Variants in ZNF365 observed in about 807,000 individuals in gnomAD.
The protein encoded by ZNF365 is zinc finger protein 365, also known as protein ZNF365.
In ZNF365, 22 loss-of-function variants were observed where a neutral mutation model predicts 35.0. The observed-to-expected ratio is 0.63, with a 90% CI of 0.45 to 0.90. The LOEUF (loss-of-function observed/expected upper bound fraction) is 0.90. ZNF365 is among the 40% of genes least tolerant of loss of function. ZNF365 has a pLI of 0.00. For missense variants in ZNF365, 448 were observed against 500.3 expected, an observed-to-expected ratio of 0.90 and a Z score of 1.00; for synonymous variants, 188 against 196.2, an observed-to-expected ratio of 0.96 and a Z score of 0.35.
At chr10:62,459,768 C>T (rs150466479) in exon 4 of ZNF365, 414 of 1,610,524 alleles carry the variant, frequency 2.6e-4, no homozygotes, top group Non-Finnish European at 3.2e-4. Context: ...CGAAGCTCGC[C>T]TGGTGTGCCA....
chr10:62,407,008 G>A (rs1384852597), downstream of ZNF365, among the ~76,000 whole-genome samples: 2 of 152,148 alleles, frequency 1.3e-5, no homozygotes, highest in African/African-American at 4.8e-5. Context: ...CCAGCTCCAG[G>A]AAGAGAAAAA....
chr10:62,457,117 AC>A (rs1410631862), intron 3 of ZNF365, among the ~76,000 whole-genome samples: 1 of 152,080 alleles, frequency 6.6e-6, no homozygotes. Flanking sequence ...GAGACCGGTG[AC>A]CCATCCCAAG....
downstream of ZNF365, chr10:62,402,557 A>G: frequency 1.5e-6 from 1 of 651,278 alleles, no homozygotes; most frequent in South Asian, 6.9e-5. Context: ...TTCATCATAC[A>G]TATAATCACC....
At chr10:62,459,412 C>T (rs926121995) in intron 3 of ZNF365, among the ~76,000 whole-genome samples, 8 of 151,984 alleles carry the variant, frequency 5.3e-5, no homozygotes, top group Admixed American at 1.3e-4. Context: ...CAGGGGGAGA[C>T]GATGGAAAAT....
chr10:62,425,960 A>G (rs1455239344), intron 3 of ZNF365, among the ~76,000 whole-genome samples: 1 of 152,184 alleles, frequency 6.6e-6, no homozygotes, highest in African/African-American at 2.4e-5. Context: ...GTTGGTCATA[A>G]TTAAAGAAAT....
At chr10:62,454,255 A>G (rs551287333) in intron 3 of ZNF365, among the ~76,000 whole-genome samples, 128 of 152,328 alleles carry the variant, frequency 8.4e-4, no homozygotes, top group Non-Finnish European at 1.5e-3. Context: ...ATTGGTTAAC[A>G]AAAGTCTGTA....
rs191562629 is a variant in ZNF365 at position 62,471,182 on chromosome 10, T to C, written c.982-8694T>C. ...GAGATCGAGATCATCCTGGCTAACATGGTGAAACCCTGTCTCTACTAAAAA... is the reference window on the plus strand; with the variant it reads ...GAGATCGAGATCATCCTGGCTAACACGGTGAAACCCTGTCTCTACTAAAAA... On this transcript the variant is annotated intron_variant, in intron 4 of 4. Coordinates refer to the ZNF365 transcript ENST00000395255. Among the ~76,000 whole-genome samples the C allele has an allele frequency of 2.2e-3, 327 of 152,048 alleles. 5 individuals carry two copies. In the East Asian group the frequency reaches 0.036, roughly 17 times the overall value.
At chr10:62,394,952 C>T (rs899666132) in intron 3 of ZNF365, among the ~76,000 whole-genome samples, 3 of 152,094 alleles carry the variant, frequency 2.0e-5, no homozygotes, top group African/African-American at 4.8e-5. Context: ...GAGATCCGGG[C>T]TGGGGATGGT....
At chr10:62,430,148 G>A (rs1421725759) in intron 3 of ZNF365, among the ~76,000 whole-genome samples, 1 of 151,392 alleles carries the variant, frequency 6.6e-6, no homozygotes, top group African/African-American at 2.4e-5. Flanking sequence ...TAACTCTTTG[G>A]TTATTTGCTT....
rs1839335356 is a variant in ZNF365, at chr10:62,376,590, G to A, written c.397G>A (p.Asp133Asn). ...VSYVQTYTAM[D>N]LHADSLDGTR... is the part of the protein sequence containing the mutation. ...CTATGTGCAGACCTACACTGCCATG[G>A]ACCTCCATGCAGACTCGCTGGATGG... Residue 133 changes from aspartate (D) to asparagine (N), a missense_variant, in exon 2 of 5, where the codon GAC becomes AAC. Asp to Asn is a conservative substitution (Grantham distance 23, BLOSUM62 1). This residue lies in a region of ZNF365 where 362 missense variants were observed against 375.7 expected (regional missense o/e 0.96). Coordinates refer to ENST00000395254, the MANE Select transcript of ZNF365 (RefSeq NM_014951.3). The A allele has an allele frequency of 6.2e-7, 1 of 1,614,146 alleles. No individual in the cohort carries two copies. The highest frequency in any genetic ancestry group is 1.1e-5 in the South Asian group (1 of 91,082).
intron 3 of ZNF365, among the ~76,000 whole-genome samples, chr10:62,435,975 G>T (rs1467896430): frequency 6.6e-6 from 1 of 152,130 alleles, no homozygotes; most frequent in African/African-American, 2.4e-5. Flanking sequence ...TTAACTTAAT[G>T]CTTGGAATGT....
At chr10:62,384,513 G>A (rs1839494036) in intron 2 of ZNF365, among the ~76,000 whole-genome samples, 1 of 152,154 alleles carries the variant, frequency 6.6e-6, no homozygotes, top group Non-Finnish European at 1.5e-5. Flanking sequence ...TGAAAAGAGC[G>A]GTATTGTTTT....
At position 62,393,987 on chromosome 10, in the gene ZNF365, A is replaced by G. The variant is rs544215195; in HGVS notation, c.925-4753A>G. ...TATAGTACTCGAAATTCTGCTTTGAACCATAGTCAGACACATTATGACACA... is the reference window on the plus strand; with the variant it reads ...TATAGTACTCGAAATTCTGCTTTGAGCCATAGTCAGACACATTATGACACA... On this transcript the variant is annotated intron_variant, in intron 3 of 4. Coordinates refer to ENST00000395254, the MANE Select transcript of ZNF365 (RefSeq NM_014951.3). Among the ~76,000 whole-genome samples the G allele has an allele frequency of 1.2e-4, 18 of 152,226 alleles. No individual in the cohort carries two copies. In the South Asian group the frequency reaches 3.7e-3, roughly 32 times the overall value.
chr10:62,448,710 T>C (rs1840630391), intron 3 of ZNF365, among the ~76,000 whole-genome samples: 1 of 152,194 alleles, frequency 6.6e-6, no homozygotes, highest in South Asian at 2.1e-4. Context: ...TAGGAGACTA[T>C]GGATCTGGTA....
At chr10:62,394,100 A>T (rs1249723148) in intron 3 of ZNF365, among the ~76,000 whole-genome samples, 1 of 152,162 alleles carries the variant, frequency 6.6e-6, no homozygotes, top group African/African-American at 2.4e-5. Context: ...AATGCTTGGG[A>T]CCAGAAATGT....
intron 3 of ZNF365, among the ~76,000 whole-genome samples, chr10:62,424,424 C>G (rs1344964093): frequency 6.6e-6 from 1 of 152,144 alleles, no homozygotes; most frequent in Non-Finnish European, 1.5e-5. Context: ...CCCTCCTATG[C>G]ATCTAAAGTG....
rs1839349945 is a variant in ZNF365 at position 62,377,051 on chromosome 10, A to T, written c.743+115A>T. 3 of 1,341,478 alleles carry T rather than the reference A, an allele frequency of 2.2e-6. No homozygotes were observed. In the South Asian group the frequency reaches 4.4e-5, roughly 20 times the overall value. The allele number at this position is 1,341,478 out of a possible 1,614,324, so 83.1% of individuals were successfully genotyped here. Reference sequence around the variant, plus strand: ...TGCTATTTGCAGGTGCCTTGACTGCATTTCTTATTGATATAGTTGAACCAG... The same window carrying T: ...TGCTATTTGCAGGTGCCTTGACTGCTTTTCTTATTGATATAGTTGAACCAG... On this transcript the variant is annotated intron_variant, in intron 2 of 4. Transcript: ENST00000395254.
At chr10:62,402,470 T>C (rs1839844878), downstream of ZNF365, 1 of 984,970 alleles carries the variant, frequency 1.0e-6, no homozygotes, top group Non-Finnish European at 1.2e-6. Context: ...ATGTTTTGTC[T>C]AGTTGGAGTG....
intron 3 of ZNF365, among the ~76,000 whole-genome samples, chr10:62,437,444 T>TCTTCTCTAAGAAGAGAAGC: frequency 6.6e-6 from 1 of 152,360 alleles, no homozygotes; most frequent in Admixed American, 6.5e-5. Flanking sequence ...AAATCAATAT[T>TCTTCTCTAAGAAGAGAAGC]CTTCTCTAAG....
Sources: allele counts gnomAD v4.1 joint callset (sites outside exome capture counted in the v4.1 genomes callset), GRCh38; gene constraint gnomAD v4.1.1; regional missense constraint gnomAD v4.1.1; transcripts MANE v1.5; gene names NCBI Gene and HGNC (gene_info 2026-07-23, HGNC 2026-07-21).